Variants in NR2F1-AS1 observed in about 807,000 individuals in gnomAD.
The protein encoded by NR2F1-AS1 is NR2F1 regulatory antisense RNA 1.
At chr5:93,562,116 G>T (rs1036019805) in intron 2 of NR2F1-AS1, among the ~76,000 whole-genome samples, 1 of 148,912 alleles carries the variant, frequency 6.7e-6, no homozygotes, top group African/African-American at 2.5e-5. Context: ...GGGAGGCCAA[G>T]GTGGGAGAAT....
At chr5:93,497,593 G>GT (rs1330076772) in intron 4 of NR2F1-AS1, among the ~76,000 whole-genome samples, 3 of 152,058 alleles carry the variant, frequency 2.0e-5, no homozygotes. Flanking sequence ...GTTGAACCCT[G>GT]TTTTTTCTTA....
chr5:93,526,932 A>G (rs550208877), intron 4 of NR2F1-AS1, among the ~76,000 whole-genome samples: 4 of 152,138 alleles, frequency 2.6e-5, no homozygotes, highest in Non-Finnish European at 5.9e-5. Context: ...TTGGAAAATC[A>G]GCACAAGAAA....
intron 4 of NR2F1-AS1, among the ~76,000 whole-genome samples, chr5:93,428,105 T>G (rs1749234062): frequency 6.6e-6 from 1 of 152,242 alleles, no homozygotes; most frequent in African/African-American, 2.4e-5. Context: ...TAAATCCATA[T>G]TCATATTTGC....
chr5:93,487,188 A>T (rs1164943767), intron 4 of NR2F1-AS1, among the ~76,000 whole-genome samples: 1 of 152,194 alleles, frequency 6.6e-6, no homozygotes, highest in Non-Finnish European at 1.5e-5. Flanking sequence ...AATCGGCACA[A>T]GATAAGGATA....
intron 4 of NR2F1-AS1, among the ~76,000 whole-genome samples, chr5:93,529,183 A>T: frequency 6.6e-6 from 1 of 152,172 alleles, no homozygotes; most frequent in East Asian, 1.9e-4. Flanking sequence ...TGCAAATGAC[A>T]GTTGGTAAAG....
At chr5:93,422,192 AT>A (rs1749103128) in intron 4 of NR2F1-AS1, 1 of 152,224 alleles carries the variant, frequency 6.6e-6, no homozygotes, top group Non-Finnish European at 1.5e-5. Context: ...AGCCTTTCAG[AT>A]TTCCCCACAT....
chr5:93,532,571 C>G (rs1297753642), intron 4 of NR2F1-AS1, among the ~76,000 whole-genome samples: 1 of 152,234 alleles, frequency 6.6e-6, no homozygotes, highest in African/African-American at 2.4e-5. Flanking sequence ...TTACCTTTCA[C>G]CTTTGACCTG....
chr5:93,539,619 T>C (rs1751908513), intron 4 of NR2F1-AS1, among the ~76,000 whole-genome samples: 1 of 151,900 alleles, frequency 6.6e-6, no homozygotes, highest in Non-Finnish European at 1.5e-5. Context: ...AAGGAGGGAA[T>C]GGAGGATGGG....
At chr5:93,470,760 T>C (rs1005906701) in intron 4 of NR2F1-AS1, among the ~76,000 whole-genome samples, 2 of 151,910 alleles carry the variant, frequency 1.3e-5, no homozygotes, top group Non-Finnish European at 3.0e-5. Flanking sequence ...TTTCCCTTAT[T>C]AGATATTATC....
intron 4 of NR2F1-AS1, among the ~76,000 whole-genome samples, chr5:93,468,186 G>A (rs927296979): frequency 6.6e-6 from 1 of 152,100 alleles, no homozygotes; most frequent in Non-Finnish European, 1.5e-5. Context: ...GGGATGGCTG[G>A]GTCAAATGGT....
intron 4 of NR2F1-AS1, among the ~76,000 whole-genome samples, chr5:93,454,455 C>A (rs1438607189): frequency 3.3e-5 from 5 of 152,168 alleles, no homozygotes; most frequent in African/African-American, 1.2e-4. Context: ...AGACAGAACT[C>A]CTAAAACCTT....
chr5:93,548,247 A>G (rs1381275673), intron 4 of NR2F1-AS1, among the ~76,000 whole-genome samples: 1 of 152,212 alleles, frequency 6.6e-6, no homozygotes, highest in Non-Finnish European at 1.5e-5. Context: ...CTATTTAATC[A>G]ATATAAACAA....
At chr5:93,575,409 T>G (rs1752873426) in intron 1 of NR2F1-AS1, among the ~76,000 whole-genome samples, 1 of 152,184 alleles carries the variant, frequency 6.6e-6, no homozygotes, top group African/African-American at 2.4e-5. Flanking sequence ...CTATTTCAAA[T>G]AAATTATGAT....
chr5:93,426,305 C>T (rs535285183), intron 4 of NR2F1-AS1, among the ~76,000 whole-genome samples: 2 of 151,914 alleles, frequency 1.3e-5, no homozygotes, highest in East Asian at 3.9e-4. Flanking sequence ...ACCTTGACCT[C>T]CCAAAGTGCT....
chr5:93,430,938 T>A (rs1273743698), intron 4 of NR2F1-AS1, among the ~76,000 whole-genome samples: 1 of 149,060 alleles, frequency 6.7e-6, no homozygotes, highest in Non-Finnish European at 1.5e-5. Context: ...TGCCAGGAAA[T>A]CCTAAGGGGT....
At chr5:93,581,908 G>GTCTC (rs368238145), upstream of NR2F1-AS1, among the ~76,000 whole-genome samples, 24 of 39,674 alleles carry the variant, frequency 6.0e-4, 1 homozygote, top group Admixed American at 1.1e-3. Context: ...CTCTCTCTGG[G>GTCTC]TCTCTCTCTC....
intron 4 of NR2F1-AS1, among the ~76,000 whole-genome samples, chr5:93,532,453 C>T (rs1751755305): frequency 6.6e-6 from 1 of 152,088 alleles, no homozygotes; most frequent in Non-Finnish European, 1.5e-5. Flanking sequence ...CTGCCTCAGC[C>T]AACTCTCAGT....
intron 4 of NR2F1-AS1, among the ~76,000 whole-genome samples, chr5:93,418,571 C>T (rs1000189697): frequency 1.0e-4 from 15 of 149,652 alleles, no homozygotes; most frequent in African/African-American, 3.3e-4. Flanking sequence ...GGCAAAAGAG[C>T]GAGACGCCGT....
intron 4 of NR2F1-AS1, among the ~76,000 whole-genome samples, chr5:93,498,336 C>T (rs1751008323): frequency 6.6e-6 from 1 of 151,892 alleles, no homozygotes; most frequent in Non-Finnish European, 1.5e-5. Context: ...CTAGCTAAAA[C>T]ATTTTATATG....
Sources: gnomAD v4.1 joint callset for allele counts (sites outside exome capture counted in the v4.1 genomes callset) on GRCh38, gnomAD v4.1.1 for gene constraint, MANE v1.5 for transcripts, NCBI Gene and HGNC (gene_info 2026-07-23, HGNC 2026-07-21) for gene names.